The following MEF2C variants were observed in gnomAD, a reference collection of about 807,000 sequenced individuals.
MEF2C encodes myocyte-specific enhancer factor 2C.
In MEF2C, 6 loss-of-function variants were observed where a neutral mutation model predicts 50.5. That is an observed-to-expected ratio of 0.12 (90% confidence interval 0.07 to 0.23). The LOEUF is 0.23. Ranked by LOEUF, MEF2C falls within the 10% of genes least tolerant of loss-of-function variation. MEF2C has a pLI of 1.00. For synonymous variants in MEF2C, 183 were observed against 228.0 expected (o/e 0.80, Z 1.78); for missense variants, 276 against 605.0 (o/e 0.46, Z 5.70).
intron 1 of MEF2C, among the ~76,000 whole-genome samples, chr5:88,875,401 A>C (rs1202583134): frequency 6.6e-6 from 1 of 152,036 alleles, no homozygotes; most frequent in Non-Finnish European, 1.5e-5. Context: ...AGATAAGTAC[A>C]AAAAACCTCA....
chr5:88,747,353 T>TATATTATA (rs1770330465), intron 6 of MEF2C, among the ~76,000 whole-genome samples: 17 of 17,894 alleles, frequency 9.5e-4, no homozygotes, highest in Non-Finnish European at 1.4e-3. Context: ...TTTTTTTTTT[T>TATATTATA]TTTTTTTTTT....
chr5:88,785,064 A>G (rs1475730121), intron 3 of MEF2C, among the ~76,000 whole-genome samples: 1 of 152,138 alleles, frequency 6.6e-6, no homozygotes, highest in Non-Finnish European at 1.5e-5. Context: ...TCTTCTAGCA[A>G]TGATTTAAGC....
Position 88,718,368 on chromosome 5 carries a change from A to G in MEF2C, c.*4236T>C, listed in dbSNP as rs1317793701. The G allele has an allele frequency of 1.3e-5, 2 of 152,192 alleles. No individual in the cohort carries two copies. The highest frequency in any genetic ancestry group is 4.8e-5 in the African/African-American group (2 of 41,448). The allele number at this position is 152,192 out of a possible 1,614,324, so 9.4% of individuals were successfully genotyped here. ...ACAGACAGCTGAATTAAGTCCCTTGAGATACACAGATGTGGTTTAACTTAG... is the reference window on the plus strand; with the variant it reads ...ACAGACAGCTGAATTAAGTCCCTTGGGATACACAGATGTGGTTTAACTTAG... On this transcript the variant is annotated 3_prime_UTR_variant, in exon 11 of 11. Transcript: ENST00000504921.
At chr5:88,858,849 A>C (rs1197892658) in intron 1 of MEF2C, among the ~76,000 whole-genome samples, 1 of 152,214 alleles carries the variant, frequency 6.6e-6, no homozygotes, top group African/African-American at 2.4e-5. Flanking sequence ...TAATCCTCAA[A>C]CTTCACATTC....
intron 1 of MEF2C, among the ~76,000 whole-genome samples, chr5:88,867,486 CTCAT>C (rs1827781118): frequency 6.6e-6 from 1 of 152,102 alleles, no homozygotes. Context: ...CTGCACCTAC[CTCAT>C]TAAGTTTTGA....
chr5:88,817,234 G>A (rs547520851), intron 2 of MEF2C, among the ~76,000 whole-genome samples: 1 of 152,062 alleles, frequency 6.6e-6, no homozygotes, highest in Non-Finnish European at 1.5e-5. Flanking sequence ...CCCAAATTTA[G>A]AACTGTAATT....
rs560711616 is a variant in MEF2C, at chr5:88,761,724, T to C, written c.259-396A>G. The C allele has an allele frequency of 5.8e-5, 10 of 172,492 alleles. No individual in the cohort carries two copies. In the East Asian group the frequency reaches 1.6e-3, roughly 27 times the overall value. The allele number at this position is 172,492 out of a possible 1,614,324, so 10.7% of individuals were successfully genotyped here. A position where few individuals can be genotyped will look rare whatever the true frequency, so the allele number is the denominator to read the frequency against. On this transcript the variant is annotated intron_variant, in intron 3 of 10. Coordinates refer to ENST00000504921, the MANE Select transcript of MEF2C (RefSeq NM_002397.5). ...TACACAATGATTTCCGAACCTGTGA[T>C]GATGACAAAAGCAGAAATGTTGGAA... is the stretch of plus-strand genomic sequence containing the variant.
At chr5:88,748,748 A>C in intron 6 of MEF2C, 1 of 982,898 alleles carries the variant, frequency 1.0e-6, no homozygotes. Flanking sequence ...TTAACAGAGA[A>C]CACAAAAAGT....
rs1188436469 is a variant in MEF2C at position 88,721,495 on chromosome 5, CAG to C, written c.*1107_*1108del. The C allele has an allele frequency of 6.6e-6, 1 of 152,448 alleles. No homozygotes were observed. Among genetic ancestry groups the C allele is most frequent in the Non-Finnish European group, 1.5e-5 (1 of 68,002 alleles). The allele number at this position is 152,448 out of a possible 1,614,324, so 9.4% of individuals were successfully genotyped here. A position where few individuals can be genotyped will look rare whatever the true frequency, so the allele number is the denominator to read the frequency against. ...AAAATGTAAGCAGAGTAAAAGAAAA[CAG>C]AAAGAAAATAGTTACTCAAATGTGC... On this transcript the variant is annotated 3_prime_UTR_variant, in exon 11 of 11. Coordinates refer to ENST00000504921, the MANE Select transcript of MEF2C (RefSeq NM_002397.5).
chr5:88,767,725 T>G (rs1780642365), intron 3 of MEF2C, among the ~76,000 whole-genome samples: 1 of 152,182 alleles, frequency 6.6e-6, no homozygotes, highest in Admixed American at 6.5e-5. Flanking sequence ...GAAATTTTTT[T>G]GACTGAATCA....
chr5:88,783,466 T>C (rs1449536379), intron 3 of MEF2C, among the ~76,000 whole-genome samples: 1 of 151,808 alleles, frequency 6.6e-6, no homozygotes, highest in African/African-American at 2.4e-5. Flanking sequence ...CTGTCTCTAC[T>C]AAAAATACAA....
At chr5:88,786,784 T>C (rs1414243007) in intron 3 of MEF2C, among the ~76,000 whole-genome samples, 1 of 152,230 alleles carries the variant, frequency 6.6e-6, no homozygotes, top group African/African-American at 2.4e-5. Context: ...GAAAAATGGT[T>C]CTCAGATTGG....
intron 8 of MEF2C, 200 bp from the exon 9 acceptor site, chr5:88,729,547 A>T: frequency 1.8e-6 from 1 of 553,610 alleles, no homozygotes; most frequent in African/African-American, 1.9e-5. Context: ...ATAGTAACCC[A>T]TTACATCAGT....
chr5:88,878,094 A>C (rs1831659273), intron 1 of MEF2C: 1 of 152,046 alleles, frequency 6.6e-6, no homozygotes, highest in African/African-American at 2.4e-5. Context: ...TGTATTATTG[A>C]CTAAATTAGA....
At chr5:88,772,847 G>T in intron 3 of MEF2C, 2 of 985,412 alleles carry the variant, frequency 2.0e-6, no homozygotes, top group Non-Finnish European at 2.4e-6. Context: ...GTCTCTTATA[G>T]TCTATCTCCC....
In MEF2C at chr5:88,848,250, T is replaced by G. The variant is rs1581532117; in HGVS notation, c.-142-24320A>C. ...GCTGGATTTAAAAACTTAATAATGA[T>G]CTGTATTTGAAAGACCAAAGTTATA... On this transcript the variant is annotated intron_variant, in intron 1 of 10. Coordinates refer to ENST00000504921, the MANE Select transcript of MEF2C (RefSeq NM_002397.5). 2.6e-5 allele frequency among the ~76,000 whole-genome samples: 4 copies of G among 152,258 alleles called. No homozygotes were observed. The South Asian group carries it at 8.3e-4, about 32-fold the overall frequency.
intron 10 of MEF2C, among the ~76,000 whole-genome samples, chr5:88,726,178 G>A (rs1758610557): frequency 6.6e-6 from 1 of 152,106 alleles, no homozygotes; most frequent in East Asian, 1.9e-4. Flanking sequence ...AGAAAGAATT[G>A]TGGTAACCAT....
intron 1 of MEF2C, among the ~76,000 whole-genome samples, chr5:88,868,340 G>C (rs911299349): frequency 3.9e-5 from 6 of 152,170 alleles, no homozygotes; most frequent in African/African-American, 1.4e-4. Context: ...ATTCAGTTTC[G>C]GTGAATACTG....
chr5:88,737,420 G>C, intron 6 of MEF2C: 1 of 985,396 alleles, frequency 1.0e-6, no homozygotes, highest in Non-Finnish European at 1.2e-6. Flanking sequence ...CTAACTGCAA[G>C]TGGTAGAATT....
Sources: allele counts gnomAD v4.1 joint callset (sites outside exome capture counted in the v4.1 genomes callset), GRCh38; gene constraint gnomAD v4.1.1; transcripts MANE v1.5; gene names NCBI Gene and HGNC (gene_info 2026-07-23, HGNC 2026-07-21).